The following RARB variants were observed in gnomAD, a reference collection of about 807,000 sequenced individuals.
RARB encodes retinoic acid receptor beta.
RARB carries 17 observed loss-of-function variants against 51.9 expected under a neutral mutation model. That is an observed-to-expected ratio of 0.33 (90% CI 0.22 to 0.49). RARB has a LOEUF of 0.49. Among genes scored for constraint, RARB ranks in the 20% least tolerant of loss-of-function variants. The pLI, the probability that RARB is intolerant of heterozygous loss-of-function variation, is 0.99. For missense variants in RARB, 369 were observed against 550.8 expected, an observed-to-expected ratio of 0.67 and a Z score of 3.30; for synonymous variants, 215 against 195.4, an observed-to-expected ratio of 1.10 and a Z score of -0.84.
In RARB at chr3:25,570,062, G is replaced by A. The variant is rs549490224; in HGVS notation, c.609+144G>A. 8.1e-5 allele frequency: 99 copies of A among 1,224,488 alleles called. 1 individual carries two copies. In the African/African-American group the frequency reaches 1.2e-3, roughly 14 times the overall value. 75.9% of individuals were successfully genotyped at this position (1,224,488 alleles called of 1,614,324 possible). A position where few individuals can be genotyped will look rare whatever the true frequency, so the allele number is the denominator to read the frequency against. On this transcript the variant is annotated intron_variant, in intron 4 of 7. Transcript: ENST00000330688. ...GCAGGGGCTTGCATGCTAGCCAGCT[G>A]GGGCTATGTAGTAGCCACTTCTTTC...
chr3:24,893,997 A>G (rs1703434392), intron 2 of RARB, among the ~76,000 whole-genome samples: 1 of 145,468 alleles, frequency 6.9e-6, no homozygotes, highest in African/African-American at 2.7e-5. Flanking sequence ...TTGTTGAACA[A>G]ACAAATGAAC....
At chr3:25,401,455 A>T (rs529427494) in intron 5 of RARB, among the ~76,000 whole-genome samples, 1 of 152,328 alleles carries the variant, frequency 6.6e-6, no homozygotes, top group South Asian at 2.1e-4. Flanking sequence ...ACCAGGAAAA[A>T]ACAGATAATA....
At chr3:25,123,006 T>C (rs1699808504) in intron 3 of RARB, among the ~76,000 whole-genome samples, 1 of 151,980 alleles carries the variant, frequency 6.6e-6, no homozygotes, top group African/African-American at 2.4e-5. Context: ...GACTCAGGAA[T>C]GGTATAACTT....
At chr3:25,258,968 A>G (rs1575264875) in intron 5 of RARB, 6 of 933,752 alleles carry the variant, frequency 6.4e-6, no homozygotes, top group Non-Finnish European at 7.7e-6. Context: ...TGGGGACCAA[A>G]CCTCAGCCTG....
intron 5 of RARB, among the ~76,000 whole-genome samples, chr3:25,325,334 GT>G (rs1040171164): frequency 1.3e-5 from 2 of 152,098 alleles, no homozygotes; most frequent in African/African-American, 4.8e-5. Context: ...GTTTTGGTGG[GT>G]TTTGGCTGGC....
chr3:25,059,319 TA>T (rs1698502018), intron 2 of RARB, among the ~76,000 whole-genome samples: 1 of 151,708 alleles, frequency 6.6e-6, no homozygotes, highest in South Asian at 2.1e-4. Context: ...GGCACACTCC[TA>T]AAAGTAAAAT....
intron 5 of RARB, among the ~76,000 whole-genome samples, chr3:25,583,438 C>T (rs968001389): frequency 2.0e-5 from 3 of 152,194 alleles, no homozygotes; most frequent in South Asian, 2.1e-4. Context: ...GATTGAGTAC[C>T]GCCTGTTCAG....
chr3:24,914,724 G>C (rs1039469884), intron 2 of RARB, among the ~76,000 whole-genome samples: 6 of 152,138 alleles, frequency 3.9e-5, no homozygotes, highest in Non-Finnish European at 8.8e-5. Flanking sequence ...TGTGTGTTCA[G>C]TACAGGTACA....
chr3:25,359,171 C>G (rs1235031394), intron 5 of RARB, among the ~76,000 whole-genome samples: 1 of 151,972 alleles, frequency 6.6e-6, no homozygotes, highest in Admixed American at 6.6e-5. Flanking sequence ...TGTTTTTGGT[C>G]TATTCAGGGA....
At chr3:24,983,074 T>C (rs1696711545) in intron 2 of RARB, among the ~76,000 whole-genome samples, 1 of 152,188 alleles carries the variant, frequency 6.6e-6, no homozygotes, top group Non-Finnish European at 1.5e-5. Flanking sequence ...TTTATTTTGT[T>C]TTTAAATTTG....
chr3:25,464,296 A>T (rs1027909370), intron 2 of RARB, among the ~76,000 whole-genome samples: 2 of 152,200 alleles, frequency 1.3e-5, no homozygotes, highest in Non-Finnish European at 2.9e-5. Context: ...ATCAGCTCAT[A>T]GTCAGTGAGT....
intron 2 of RARB, among the ~76,000 whole-genome samples, chr3:24,908,022 A>G (rs764782402): frequency 1.3e-4 from 20 of 152,100 alleles, no homozygotes; most frequent in Non-Finnish European, 2.2e-4. Context: ...TGTTATCTTT[A>G]TCAACATCCC....
chr3:25,421,817 G>C (rs1707873020), intron 5 of RARB, among the ~76,000 whole-genome samples: 1 of 152,166 alleles, frequency 6.6e-6, no homozygotes, highest in Non-Finnish European at 1.5e-5. Flanking sequence ...TAGAAGTTAA[G>C]TAACTTTGCC....
chr3:25,185,354 C>T (rs1700951541), intron 5 of RARB, among the ~76,000 whole-genome samples: 1 of 152,106 alleles, frequency 6.6e-6, no homozygotes, highest in Non-Finnish European at 1.5e-5. Flanking sequence ...GACCAAACTT[C>T]CTTTTCTCTT....
At chr3:25,469,870 T>C (rs1029946672) in intron 2 of RARB, among the ~76,000 whole-genome samples, 6 of 152,182 alleles carry the variant, frequency 3.9e-5, no homozygotes, top group Non-Finnish European at 8.8e-5. Flanking sequence ...ATTTAAATTC[T>C]GGCTTTTGGG....
chr3:25,263,136 T>TCATCC (rs1486711099), intron 5 of RARB, among the ~76,000 whole-genome samples: 2 of 152,218 alleles, frequency 1.3e-5, no homozygotes, highest in African/African-American at 2.4e-5. Flanking sequence ...TGAACGTTTG[T>TCATCC]CATCCAATGT....
At chr3:25,380,399 G>C (rs772094519) in intron 5 of RARB, among the ~76,000 whole-genome samples, 1 of 152,128 alleles carries the variant, frequency 6.6e-6, no homozygotes, top group Non-Finnish European at 1.5e-5. Flanking sequence ...TCGATCCCAG[G>C]GCAGAGCAAA....
intron 2 of RARB, among the ~76,000 whole-genome samples, chr3:24,912,058 T>C (rs1293844835): frequency 1.3e-5 from 2 of 152,228 alleles, no homozygotes; most frequent in Non-Finnish European, 2.9e-5. Context: ...GACATTTACT[T>C]ATGCACATGG....
chr3:25,382,756 G>T (rs917608951), intron 5 of RARB, among the ~76,000 whole-genome samples: 5 of 152,194 alleles, frequency 3.3e-5, no homozygotes, highest in Non-Finnish European at 5.9e-5. Context: ...TACTCGGGAG[G>T]CTGAGGCAGG....
Sources: gnomAD v4.1 joint callset for allele counts (sites outside exome capture counted in the v4.1 genomes callset) on GRCh38, gnomAD v4.1.1 for gene constraint, MANE v1.5 for transcripts, NCBI Gene and HGNC (gene_info 2026-07-23, HGNC 2026-07-21) for gene names.